Variants in CEP15 observed in about 807,000 individuals in gnomAD.
The protein encoded by CEP15 is centrosomal protein 15.
chr3:62,328,562 G>A, the CEP15 span, among the ~76,000 whole-genome samples: 6 of 152,124 alleles, frequency 3.9e-5, no homozygotes, highest in African/African-American at 1.4e-4. Flanking sequence ...AATTTTAAAT[G>A]TTCTAGTGGC....
At chr3:62,331,183 C>G in the CEP15 span, 1 of 604,968 alleles carries the variant, frequency 1.7e-6, no homozygotes, top group Non-Finnish European at 2.9e-6. Flanking sequence ...ATCAGTTTTC[C>G]TACCATAGTG....
chr3:62,331,264 T>C, the CEP15 span: 4 of 1,432,242 alleles, frequency 2.8e-6, no homozygotes, highest in Admixed American at 5.1e-5. Flanking sequence ...ATATTGCTAG[T>C]ACAGGTGCCA....
the CEP15 span, among the ~76,000 whole-genome samples, chr3:62,327,391 C>A: frequency 6.6e-6 from 1 of 152,120 alleles, no homozygotes; most frequent in African/African-American, 2.4e-5. Context: ...ATCCCATATT[C>A]TTTTTCTTAC....
chr3:62,332,408 G>A, the CEP15 span, among the ~76,000 whole-genome samples: 3 of 151,976 alleles, frequency 2.0e-5, no homozygotes, highest in Admixed American at 1.3e-4. Flanking sequence ...GAATATTTTT[G>A]TGTTTCTAGT....
At chr3:62,331,257 T>A in the CEP15 span, 1 of 1,343,498 alleles carries the variant, frequency 7.4e-7, no homozygotes, top group Non-Finnish European at 1.1e-6. Flanking sequence ...GATACAGATA[T>A]TGCTAGTACA....
chr3:62,334,805 T>TGTTA, the CEP15 span: 1 of 152,188 alleles, frequency 6.6e-6, no homozygotes, highest in South Asian at 2.1e-4. This position sits in a 1 kb window ranked among gnomAD's most constrained non-coding sequence, Gnocchi z 4.9. Context: ...AATTTTTTTC[T>TGTTA]GTTACATTAC....
chr3:62,331,369 A>G, the CEP15 span: 14 of 1,613,088 alleles, frequency 8.7e-6, no homozygotes, highest in African/African-American at 1.6e-4. Flanking sequence ...GGATTCACCC[A>G]CTTCCACGGC....
At chr3:62,335,931 A>G in the CEP15 span, 1 of 152,156 alleles carries the variant, frequency 6.6e-6, no homozygotes, top group Non-Finnish European at 1.5e-5. Context: ...CTTGAAAAAA[A>G]ATTAAGAAGT....
the CEP15 span, among the ~76,000 whole-genome samples, chr3:62,320,960 A>T: frequency 6.6e-6 from 1 of 151,100 alleles, no homozygotes. Flanking sequence ...TGTATTATTC[A>T]CTCTTTTCCT....
At chr3:62,332,541 C>A in the CEP15 span, among the ~76,000 whole-genome samples, 1 of 151,972 alleles carries the variant, frequency 6.6e-6, no homozygotes, top group Non-Finnish European at 1.5e-5. Context: ...GGCAGTCACC[C>A]AAGAAACCAA....
chr3:62,331,389 T>C, the CEP15 span: 24 of 1,612,824 alleles, frequency 1.5e-5, no homozygotes, highest in Non-Finnish European at 2.0e-5. Context: ...CCTGAGGTGG[T>C]TTCTCTTGAG....
At chr3:62,334,652 A>G in the CEP15 span, 1 of 152,312 alleles carries the variant, frequency 6.6e-6, no homozygotes, top group Admixed American at 6.5e-5. The surrounding 1 kb of genome is among the most constrained non-coding windows in gnomAD (Gnocchi z 4.9). Flanking sequence ...TAGAACTGTT[A>G]TATAACTATA....
chr3:62,328,670 T>C, the CEP15 span, among the ~76,000 whole-genome samples: 1 of 152,174 alleles, frequency 6.6e-6, no homozygotes, highest in Non-Finnish European at 1.5e-5. Flanking sequence ...GGATACCTTT[T>C]TTTAAAAAAA....
At chr3:62,332,660 G>A in the CEP15 span, among the ~76,000 whole-genome samples, 1 of 152,042 alleles carries the variant, frequency 6.6e-6, no homozygotes, top group African/African-American at 2.4e-5. Flanking sequence ...ATTAAAAATG[G>A]TTAAATTATA....
At chr3:62,320,963 C>T in the CEP15 span, among the ~76,000 whole-genome samples, 5 of 152,176 alleles carry the variant, frequency 3.3e-5, no homozygotes, top group Non-Finnish European at 7.3e-5. Context: ...ATTATTCACT[C>T]TTTTCCTCCT....
chr3:62,331,831 T>A, the CEP15 span, among the ~76,000 whole-genome samples: 1 of 152,164 alleles, frequency 6.6e-6, no homozygotes, highest in African/African-American at 2.4e-5. Context: ...ATAGTATGGC[T>A]TTTGTCTGTT....
the CEP15 span, among the ~76,000 whole-genome samples, chr3:62,329,125 A>G: frequency 6.6e-6 from 1 of 152,158 alleles, no homozygotes; most frequent in South Asian, 2.1e-4. Context: ...AAGTGTAATA[A>G]TAAGGCCATA....
chr3:62,327,489 A>AGGCTAAGGGCTATCATATGAGCAGT, the CEP15 span, among the ~76,000 whole-genome samples: 1 of 149,726 alleles, frequency 6.7e-6, no homozygotes, highest in Non-Finnish European at 1.5e-5. Context: ...TAGCCACATG[A>AGGCTAAGGGCTATCATATGAGCAGT]GAAGTTCTAG....
the CEP15 span, among the ~76,000 whole-genome samples, chr3:62,328,160 T>G: frequency 6.6e-6 from 1 of 152,230 alleles, no homozygotes; most frequent in Non-Finnish European, 1.5e-5. Flanking sequence ...TTGTTGTTGT[T>G]GTTAAGATAA....
Sources: gnomAD v4.1 joint callset for allele counts (sites outside exome capture counted in the v4.1 genomes callset) on GRCh38, gnomAD v4.1.1 for gene constraint, Gnocchi (gnomAD v3.1) non-coding constraint, MANE v1.5 for transcripts, NCBI Gene and HGNC (gene_info 2026-07-23, HGNC 2026-07-21) for gene names.